Variants in PPP3CB observed in about 807,000 individuals in gnomAD.
PPP3CB encodes protein phosphatase 3 catalytic subunit beta.
In PPP3CB, 8 loss-of-function variants were observed where a neutral mutation model predicts 66.4. The observed-to-expected ratio is 0.12, with a 90% CI of 0.07 to 0.22. The LOEUF is 0.22. PPP3CB is among the 10% of genes least tolerant of loss of function. The probability of loss-of-function intolerance (pLI) is 1.00; values close to 1 mark genes in which losing one functional copy is unlikely to be tolerated. For synonymous variants in PPP3CB, 208 were observed against 221.2 expected (o/e 0.94, Z 0.53); for missense variants, 319 against 642.5 (o/e 0.50, Z 5.44).
intron 1 of PPP3CB, among the ~76,000 whole-genome samples, chr10:73,488,314 G>A (rs1327947650): frequency 1.3e-5 from 2 of 152,128 alleles, no homozygotes; most frequent in African/African-American, 4.8e-5. Context: ...GGAGGCCAAG[G>A]CAGGACAGTC....
At chr10:73,457,221 G>C (rs947414055) in intron 9 of PPP3CB, among the ~76,000 whole-genome samples, 1 of 116,714 alleles carries the variant, frequency 8.6e-6, no homozygotes, top group Non-Finnish European at 1.6e-5. Context: ...ATTTGTGTGA[G>C]ACCAGCCTAG....
intron 10 of PPP3CB, among the ~76,000 whole-genome samples, chr10:73,452,493 C>A (rs190973657): frequency 1.3e-5 from 2 of 151,942 alleles, no homozygotes; most frequent in Non-Finnish European, 2.9e-5. Flanking sequence ...GTCAGGAGTT[C>A]GAGACAAGTT....
intron 9 of PPP3CB, 97 bp downstream of exon 9, chr10:73,467,456 G>C (rs1276281992): frequency 8.2e-6 from 8 of 971,494 alleles, no homozygotes; most frequent in African/African-American, 3.4e-5. Context: ...AGTGAAACTA[G>C]ACTTTGGTTT....
intron 8 of PPP3CB, among the ~76,000 whole-genome samples, chr10:73,468,670 T>G (rs2056656817): frequency 6.6e-6 from 1 of 152,208 alleles, no homozygotes; most frequent in African/African-American, 2.4e-5. Flanking sequence ...GATGTTAAAT[T>G]CCAACATTTG....
intron 8 of PPP3CB, among the ~76,000 whole-genome samples, chr10:73,468,740 AAT>A (rs2056658713): frequency 6.6e-6 from 1 of 152,230 alleles, no homozygotes; most frequent in Non-Finnish European, 1.5e-5. Context: ...TTACTAACTT[AAT>A]AAGTATATGT....
intron 9 of PPP3CB, among the ~76,000 whole-genome samples, chr10:73,457,341 C>T (rs546461641): frequency 2.6e-4 from 37 of 143,706 alleles, no homozygotes; most frequent in Non-Finnish European, 3.0e-4. Context: ...GAAGGCCATG[C>T]GGTAAGACTG....
intron 2 of PPP3CB, 132 bp from the exon 3 acceptor site, chr10:73,478,755 G>A: frequency 2.7e-6 from 2 of 727,794 alleles, no homozygotes; most frequent in Non-Finnish European, 4.4e-6. Flanking sequence ...AGTAGTCTAT[G>A]AACAGTCATG....
At chr10:73,455,607 C>T (rs1181988223) in intron 9 of PPP3CB, among the ~76,000 whole-genome samples, 1 of 152,080 alleles carries the variant, frequency 6.6e-6, no homozygotes, top group Non-Finnish European at 1.5e-5. Flanking sequence ...GTCTCGCTGT[C>T]GCCCAGGTTG....
At chr10:73,466,469 ATTC>A (rs1193829563) in intron 9 of PPP3CB, among the ~76,000 whole-genome samples, 2 of 152,154 alleles carry the variant, frequency 1.3e-5, no homozygotes, top group Non-Finnish European at 2.9e-5. Context: ...GAATTATTTA[ATTC>A]ATCTGATGAT....
chr10:73,444,554 G>A, intron 12 of PPP3CB, 171 bp downstream of exon 12: 10 of 1,542,318 alleles, frequency 6.5e-6, no homozygotes, highest in Non-Finnish European at 8.8e-6. Flanking sequence ...TTTCTGCCCT[G>A]ATCAGGTATT....
chr10:73,475,638 G>C (rs1288233099), intron 3 of PPP3CB, among the ~76,000 whole-genome samples: 2 of 152,116 alleles, frequency 1.3e-5, no homozygotes, highest in Non-Finnish European at 2.9e-5. Context: ...CATTGATTAT[G>C]AATATTGCCT....
At chr10:73,456,775 T>C (rs2056434561) in intron 9 of PPP3CB, among the ~76,000 whole-genome samples, 1 of 152,152 alleles carries the variant, frequency 6.6e-6, no homozygotes, top group African/African-American at 2.4e-5. Flanking sequence ...GATTAGGCAA[T>C]GATTTCTTAG....
chr10:73,446,388 C>T (rs762029823), intron 11 of PPP3CB, 104 bp downstream of exon 11: 5 of 1,076,304 alleles, frequency 4.6e-6, no homozygotes, highest in Non-Finnish European at 7.0e-6. Flanking sequence ...GAGTGTGCCA[C>T]CATACCCGGC....
chr10:73,438,900 G>A (rs1319465924), intron 13 of PPP3CB, among the ~76,000 whole-genome samples: 2 of 152,128 alleles, frequency 1.3e-5, no homozygotes, highest in Admixed American at 6.5e-5. Flanking sequence ...GTTAAAGAAA[G>A]GTTAAAATAC....
intron 13 of PPP3CB, 66 bp from the exon 14 acceptor site, chr10:73,438,486 T>C: frequency 7.1e-7 from 1 of 1,403,038 alleles, no homozygotes; most frequent in South Asian, 1.2e-5. Flanking sequence ...AAAAACATAA[T>C]TAATGATTTT....
chr10:73,454,278 AACTTGTT>A, intron 10 of PPP3CB, 127 bp downstream of exon 10: 1 of 452,712 alleles, frequency 2.2e-6, no homozygotes, highest in Non-Finnish European at 3.9e-6. Context: ...CAAAAAAAGT[AACTTGTT>A]ACTTATCAAA....
rs1485569944 is a variant in PPP3CB, at chr10:73,446,583, A to G, written c.1187-10T>C. The G allele has an allele frequency of 3.1e-6, 5 of 1,611,104 alleles. No individual in the cohort carries two copies. Among genetic ancestry groups the G allele is most frequent in the South Asian group, 1.1e-5 (1 of 91,016 alleles). On this transcript the variant is annotated splice_polypyrimidine_tract_variant and intron_variant, in intron 10 of 13. Transcript: ENST00000360663. ...CGGGCTGCAGCTGAACCTACTTTCAATGGAATAAATAGAGAGAAAGGCTCA... is the reference window on the plus strand; with the variant it reads ...CGGGCTGCAGCTGAACCTACTTTCAGTGGAATAAATAGAGAGAAAGGCTCA...
At chr10:73,470,835 G>C in intron 7 of PPP3CB, 52 bp downstream of exon 7, 1 of 1,588,592 alleles carries the variant, frequency 6.3e-7, no homozygotes, top group Non-Finnish European at 8.6e-7. Flanking sequence ...TGGTTACTAA[G>C]TTTGATTTAT....
chr10:73,445,133 G>A (rs1028129179), intron 11 of PPP3CB, among the ~76,000 whole-genome samples: 4 of 152,150 alleles, frequency 2.6e-5, no homozygotes, highest in African/African-American at 9.7e-5. Flanking sequence ...AATGTCTGAT[G>A]TAGTCAGTTG....
Sources: allele counts gnomAD v4.1 joint callset (sites outside exome capture counted in the v4.1 genomes callset), GRCh38; gene constraint gnomAD v4.1.1; transcripts MANE v1.5; gene names NCBI Gene and HGNC (gene_info 2026-07-23, HGNC 2026-07-21).